CHD1: variants seen among roughly 807,000 people sequenced by gnomAD.
The protein encoded by CHD1 is chromodomain helicase DNA binding protein 1.
In CHD1, 36 loss-of-function variants were observed where a neutral mutation model predicts 224.2. The ratio of observed to expected loss-of-function variants is 0.16; its 90% confidence interval spans 0.12 to 0.21. CHD1 has a LOEUF of 0.21. Ranked by LOEUF, CHD1 falls within the 10% of genes least tolerant of loss-of-function variation. CHD1 has a pLI of 1.00. For synonymous variants in CHD1, 668 were observed against 658.3 expected (o/e 1.01, Z -0.23); for missense variants, 1,378 against 1,994.8 (o/e 0.69, Z 5.89).
chr5:98,917,227 C>T (rs552611442), intron 2 of CHD1, among the ~76,000 whole-genome samples: 13 of 146,518 alleles, frequency 8.9e-5, no homozygotes, highest in Admixed American at 2.1e-4. Flanking sequence ...GTCACATCAC[C>T]AGGACATTTT....
At position 98,864,517 on chromosome 5, in the gene CHD1, CAAAAAAAAAAAA is replaced by C. The variant is rs67061692; in HGVS notation, c.4249-943_4249-932del. Among the ~76,000 whole-genome samples the C allele has an allele frequency of 7.6e-3, 442 of 58,144 alleles. 2 individuals are homozygous for C. The highest frequency in any genetic ancestry group is 0.024 in the African/African-American group (388 of 16,172). The allele number at this position is 58,144 out of a possible 152,430, so 38.1% of individuals were successfully genotyped here. ...CAACAGTGAGATCCTGATTCTATAC[CAAAAAAAAAAAA>C]AAAAAAAAAAAAAAAATTAGCCAAG... is the stretch of plus-strand genomic sequence containing the variant. On this transcript the variant is annotated intron_variant, in intron 31 of 35. Transcript: ENST00000614616.
At chr5:98,890,206 C>A (rs1169224694) in intron 15 of CHD1, among the ~76,000 whole-genome samples, 1 of 152,156 alleles carries the variant, frequency 6.6e-6, no homozygotes, top group Admixed American at 6.5e-5. Context: ...TTTCCTCTCA[C>A]CATGACCTTT....
At chr5:98,926,894 G>C (rs1392112804) in intron 1 of CHD1, among the ~76,000 whole-genome samples, 1 of 119,790 alleles carries the variant, frequency 8.3e-6, no homozygotes, top group African/African-American at 3.2e-5. Flanking sequence ...AGTCTTATTA[G>C]ATAACTTGGT....
intron 15 of CHD1, among the ~76,000 whole-genome samples, chr5:98,891,581 C>A (rs559715304): frequency 6.6e-6 from 1 of 152,002 alleles, no homozygotes; most frequent in South Asian, 2.1e-4. Flanking sequence ...AAGGCTGAGG[C>A]GTGTGGATCG....
chr5:98,885,835 A>T, intron 17 of CHD1, 186 bp from the exon 18 acceptor site: 1 of 545,340 alleles, frequency 1.8e-6, no homozygotes, highest in East Asian at 3.0e-5. Flanking sequence ...CAAATCACTA[A>T]GACTGCACCC....
At chr5:98,916,620 C>CA (rs1434079718) in intron 2 of CHD1, among the ~76,000 whole-genome samples, 3 of 142,198 alleles carry the variant, frequency 2.1e-5, no homozygotes, top group Admixed American at 7.0e-5. Flanking sequence ...AATACTGCCA[C>CA]AAAAAAATGA....
chr5:98,905,168 A>G, intron 2 of CHD1, 70 bp from the exon 3 acceptor site: 2 of 1,578,390 alleles, frequency 1.3e-6, no homozygotes, highest in East Asian at 2.3e-5. Flanking sequence ...ACGTCAGCAG[A>G]AAGCCCCAAA....
intron 8 of CHD1, among the ~76,000 whole-genome samples, chr5:98,899,070 T>C (rs111273500): frequency 2.0e-5 from 3 of 152,154 alleles, no homozygotes; most frequent in Non-Finnish European, 4.4e-5. Context: ...AGGGGATTGG[T>C]TGAGGATCCT....
intron 22 of CHD1, 26 bp from the exon 23 acceptor site, chr5:98,879,754 T>TA: frequency 6.6e-7 from 1 of 1,504,496 alleles, no homozygotes; most frequent in African/African-American, 1.4e-5. Context: ...ATTTTAAGAG[T>TA]AACTGTTACA....
intron 2 of CHD1, among the ~76,000 whole-genome samples, chr5:98,912,826 T>C (rs1752509937): frequency 6.6e-6 from 1 of 152,222 alleles, no homozygotes; most frequent in African/African-American, 2.4e-5. Context: ...AGATCTGTTA[T>C]TTATTTTCAA....
intron 15 of CHD1, 119 bp downstream of exon 15, chr5:98,892,406 G>T: frequency 1.6e-6 from 1 of 617,130 alleles, no homozygotes; most frequent in East Asian, 2.7e-5. Flanking sequence ...TCTGAAACTC[G>T]AGAATTGCAA....
chr5:98,885,721 A>G, intron 17 of CHD1, 72 bp from the exon 18 acceptor site: 1 of 911,848 alleles, frequency 1.1e-6, no homozygotes, highest in Non-Finnish European at 1.7e-6. Context: ...ATCAATTATA[A>G]AATTAAGTAG....
At chr5:98,899,385 G>T (rs2112512012) in intron 8 of CHD1, 95 bp downstream of exon 8, 1 of 780,132 alleles carries the variant, frequency 1.3e-6, no homozygotes, top group Non-Finnish European at 2.0e-6. Context: ...GCTATTTTAG[G>T]CTATCATTTA....
intron 2 of CHD1, among the ~76,000 whole-genome samples, chr5:98,914,195 T>G (rs1264639838): frequency 1.3e-5 from 2 of 152,090 alleles, no homozygotes; most frequent in African/African-American, 4.8e-5. Context: ...TTGCCTTAAA[T>G]CCTCCCCCTT....
At chr5:98,880,170 T>A (rs756968001) in intron 22 of CHD1, among the ~76,000 whole-genome samples, 18 of 152,168 alleles carry the variant, frequency 1.2e-4, no homozygotes, top group South Asian at 4.1e-4. Flanking sequence ...GCACACTAAT[T>A]TCTGTGAGGA....
chr5:98,888,622 AG>A (rs1750807141), intron 16 of CHD1, among the ~76,000 whole-genome samples: 1 of 152,220 alleles, frequency 6.6e-6, no homozygotes, highest in Non-Finnish European at 1.5e-5. Flanking sequence ...TATTAATTCT[AG>A]ATGCTGATCC....
chr5:98,921,058 A>C (rs956923392), intron 2 of CHD1, among the ~76,000 whole-genome samples: 1 of 152,152 alleles, frequency 6.6e-6, no homozygotes, highest in African/African-American at 2.4e-5. Context: ...AAAAAGAATA[A>C]AAAAATAAAT....
intron 13 of CHD1, 99 bp from the exon 14 acceptor site, chr5:98,893,705 T>A: frequency 1.3e-6 from 1 of 768,508 alleles, no homozygotes. Context: ...AAATAAAAAT[T>A]AAAAACAAAC....
chr5:98,910,140 G>A (rs75129237), intron 2 of CHD1, among the ~76,000 whole-genome samples: 1 of 152,066 alleles, frequency 6.6e-6, no homozygotes, highest in African/African-American at 2.4e-5. Context: ...TGTATTTTTA[G>A]AGAAACTACA....
Sources: gnomAD v4.1 joint callset for allele counts (sites outside exome capture counted in the v4.1 genomes callset) on GRCh38, gnomAD v4.1.1 for gene constraint, MANE v1.5 for transcripts, NCBI Gene and HGNC (gene_info 2026-07-23, HGNC 2026-07-21) for gene names.